The following TMEM177 variants were observed in gnomAD, a reference collection of about 807,000 sequenced individuals.
TMEM177 encodes transmembrane protein 177.
A neutral mutation model predicts 14.2 loss-of-function variants in TMEM177; 4 were observed. The ratio of observed to expected loss-of-function variants is 0.28; its 90% CI spans 0.14 to 0.64. The LOEUF is 0.64. TMEM177 is among the 30% of genes least tolerant of loss of function. TMEM177 has a pLI of 0.82. For missense variants in TMEM177, 344 were observed against 405.2 expected, an observed-to-expected ratio of 0.85 and a Z score of 1.30; for synonymous variants, 179 against 174.5, an observed-to-expected ratio of 1.03 and a Z score of -0.20.
chr2:119,713,795 G>A, the TMEM177 span, among the ~76,000 whole-genome samples: 7 of 152,290 alleles, frequency 4.6e-5, no homozygotes, highest in Admixed American at 1.3e-4. Context: ...GATTGTGCCC[G>A]TGCACTCCAG....
At chr2:119,716,921 G>A in the TMEM177 span, among the ~76,000 whole-genome samples, 1 of 151,480 alleles carries the variant, frequency 6.6e-6, no homozygotes, top group Non-Finnish European at 1.5e-5. Flanking sequence ...AAACAGAGGT[G>A]GAAGTAGTGA....
At chr2:119,685,292 G>T (rs1326025847), downstream of TMEM177, among the ~76,000 whole-genome samples, 1 of 142,550 alleles carries the variant, frequency 7.0e-6, no homozygotes, top group Non-Finnish European at 1.5e-5. Context: ...AATACAGGGA[G>T]GGGAGTCTCA....
intron 1 of TMEM177, among the ~76,000 whole-genome samples, chr2:119,680,567 C>G (rs1238760008): frequency 2.0e-5 from 3 of 152,172 alleles, no homozygotes; most frequent in South Asian, 2.1e-4. Flanking sequence ...GTGCCAGACA[C>G]TAAATGTTTT....
At chr2:119,716,425 C>T in the TMEM177 span, among the ~76,000 whole-genome samples, 1 of 152,132 alleles carries the variant, frequency 6.6e-6, no homozygotes, top group East Asian at 1.9e-4. Context: ...TGTACATATG[C>T]TTGAGAGAAA....
chr2:119,684,438 G>C (rs1688977834), downstream of TMEM177, among the ~76,000 whole-genome samples: 1 of 152,178 alleles, frequency 6.6e-6, no homozygotes, highest in Non-Finnish European at 1.5e-5. Context: ...AGTTACCGTG[G>C]AGCTAGCGGC....
At chr2:119,717,315 G>A in the TMEM177 span, among the ~76,000 whole-genome samples, 2 of 150,614 alleles carry the variant, frequency 1.3e-5, no homozygotes, top group Non-Finnish European at 3.0e-5. Context: ...GGGCAACAGA[G>A]TATGACTCCA....
At chr2:119,711,178 T>C in the TMEM177 span, among the ~76,000 whole-genome samples, 3 of 151,976 alleles carry the variant, frequency 2.0e-5, no homozygotes, top group African/African-American at 7.3e-5. Context: ...GGATTCAAGA[T>C]TTGAGGCTTT....
downstream of TMEM177, among the ~76,000 whole-genome samples, chr2:119,684,162 C>T (rs1440332596): frequency 6.6e-6 from 1 of 152,198 alleles, no homozygotes; most frequent in Non-Finnish European, 1.5e-5. Context: ...TGCTCTGGAT[C>T]CTAGCCTCAC....
chr2:119,697,795 G>A, the TMEM177 span, among the ~76,000 whole-genome samples: 1 of 151,946 alleles, frequency 6.6e-6, no homozygotes, highest in Non-Finnish European at 1.5e-5. Flanking sequence ...CCCTCTGAAG[G>A]TTCACTGAAA....
the TMEM177 span, among the ~76,000 whole-genome samples, chr2:119,718,749 G>C: frequency 6.6e-6 from 1 of 150,958 alleles, no homozygotes; most frequent in East Asian, 2.0e-4. Flanking sequence ...AGAAACAGCT[G>C]CCACTGAGTA....
chr2:119,709,294 A>G, the TMEM177 span, among the ~76,000 whole-genome samples: 1 of 152,242 alleles, frequency 6.6e-6, no homozygotes, highest in Non-Finnish European at 1.5e-5. Context: ...CTGAAAGTTA[A>G]TAATTGGTGG....
the TMEM177 span, among the ~76,000 whole-genome samples, chr2:119,708,676 T>TAC: frequency 1.7e-3 from 149 of 88,530 alleles, no homozygotes; most frequent in East Asian, 0.012. Context: ...CACACACACA[T>TAC]ACACACACAC....
chr2:119,688,125 G>C (rs1486514890), downstream of TMEM177, among the ~76,000 whole-genome samples: 1 of 152,106 alleles, frequency 6.6e-6, no homozygotes, highest in Non-Finnish European at 1.5e-5. Flanking sequence ...CCATTAAAAA[G>C]TATAATTATG....
In TMEM177 at chr2:119,681,718, T is replaced by C; in HGVS notation, c.865T>C (p.Leu289=). Reference sequence around the variant, plus strand: ...CAGACACTTGTTCCGAATCAAACATTTACCCTACACCACCCGCCGGGACTC... The same window carrying C: ...CAGACACTTGTTCCGAATCAAACATCTACCCTACACCACCCGCCGGGACTC... ...VPRHLFRIKH[L]PYTTRRDSVL... The change falls in exon 2 of 2, where the codon TTA becomes CTA. Residue 289 remains leucine (L), a synonymous_variant. Transcript: ENST00000272521. 6 of 1,614,090 alleles carry C rather than the reference T, an allele frequency of 3.7e-6. No homozygotes were observed. The highest frequency in any genetic ancestry group is 5.1e-6 in the Non-Finnish European group (6 of 1,180,030).
Position 119,681,568 on chromosome 2 carries a change from T to G in TMEM177, c.715T>G (p.Ser239Ala). Residue 239 changes from serine (S) to alanine (A), a missense_variant, in exon 2 of 2, where the codon TCT becomes GCT. Physicochemically the swap from Ser to Ala is moderately conservative, Grantham distance 99. Coordinates refer to ENST00000272521, the MANE Select transcript of TMEM177 (RefSeq NM_030577.3). ...GCTGGACCGCCGCACGGCCTCCCTC[T>G]CTGCAGCCTATGCCTGTGGTGGAGT... The part of the protein sequence containing the change: ...SWLDRRTASL[S>A]AAYACGGVEF... The G allele has an allele frequency of 1.9e-6, 3 of 1,614,196 alleles. No homozygotes were observed. The highest frequency in any genetic ancestry group is 2.5e-6 in the Non-Finnish European group (3 of 1,180,008).
the TMEM177 span, among the ~76,000 whole-genome samples, chr2:119,705,517 T>C: frequency 6.3e-3 from 960 of 152,188 alleles, 8 homozygotes; most frequent in African/African-American, 0.022. Context: ...CTTCTAGAGG[T>C]TGTCCATAGT....
intron 1 of TMEM177, 28 bp from the exon 2 acceptor site, chr2:119,680,804 T>C: frequency 6.4e-7 from 1 of 1,566,166 alleles, no homozygotes; most frequent in Non-Finnish European, 8.7e-7. Flanking sequence ...CCAGGGAAAC[T>C]GGCTGACTTC....
At chr2:119,700,003 G>A in the TMEM177 span, 8 of 328,222 alleles carry the variant, frequency 2.4e-5, no homozygotes, top group Admixed American at 2.6e-4. Flanking sequence ...GAGAGCTCAT[G>A]GTTGATTAAC....
chr2:119,690,832 C>G (rs1689082493), downstream of TMEM177, among the ~76,000 whole-genome samples: 1 of 152,260 alleles, frequency 6.6e-6, no homozygotes, highest in Admixed American at 6.5e-5. Context: ...TTTCAGCTCA[C>G]TGGCTTGGTT....
Sources: allele counts gnomAD v4.1 joint callset (sites outside exome capture counted in the v4.1 genomes callset), GRCh38; gene constraint gnomAD v4.1.1; transcripts MANE v1.5; gene names NCBI Gene and HGNC (gene_info 2026-07-23, HGNC 2026-07-21).